SEC62: variants seen among roughly 807,000 people sequenced by gnomAD.
The protein encoded by SEC62 is translocation protein SEC62.
Under a neutral mutation model 47.5 loss-of-function variants are expected in SEC62, and 10 were observed. That is an observed-to-expected ratio of 0.21 (90% confidence interval 0.13 to 0.36). SEC62 has a LOEUF of 0.36. SEC62 is among the 10% of genes least tolerant of loss of function. SEC62 has a pLI of 1.00. For missense variants in SEC62, 327 were observed against 464.1 expected (o/e 0.70, Z 2.71); for synonymous variants, 136 against 150.5 (o/e 0.90, Z 0.71).
At chr3:169,988,116 G>T in intron 6 of SEC62, 124 bp from the exon 7 acceptor site, 1 of 1,034,470 alleles carries the variant, frequency 9.7e-7, no homozygotes, top group South Asian at 1.6e-5. Context: ...TATAAAAATG[G>T]CAATTTTATA....
chr3:169,982,296 T>G (rs1714993246), intron 3 of SEC62, among the ~76,000 whole-genome samples: 1 of 152,192 alleles, frequency 6.6e-6, no homozygotes, highest in Non-Finnish European at 1.5e-5. Flanking sequence ...AAATCATCAC[T>G]TTTAATCTGT....
Position 169,993,101 on chromosome 3 carries a change from G to A in SEC62, c.*38G>A, listed in dbSNP as rs1200982058. On this transcript the variant is annotated 3_prime_UTR_variant, in exon 8 of 8. Coordinates refer to ENST00000337002, the MANE Select transcript of SEC62 (RefSeq NM_003262.4). Reference sequence around the variant, plus strand: ...TGGGACTGAATGAATAAGTACAAGAGGTTGGATTTTCTATGTTGGCTGATT... The same window carrying A: ...TGGGACTGAATGAATAAGTACAAGAAGTTGGATTTTCTATGTTGGCTGATT... 5 of 1,459,274 alleles carry A rather than the reference G, an allele frequency of 3.4e-6. No individual in the cohort carries two copies. The East Asian group carries it at 7.3e-5, about 21-fold the overall frequency. 90.4% of individuals were successfully genotyped at this position (1,459,274 alleles called of 1,614,324 possible).
chr3:169,983,840 G>A (rs1715035805), intron 5 of SEC62: 1 of 152,082 alleles, frequency 6.6e-6, no homozygotes, highest in Admixed American at 6.6e-5. Context: ...GAAATGTAGG[G>A]TTTCCATTAT....
chr3:169,969,482 A>G (rs756272686), intron 1 of SEC62: 1 of 400,898 alleles, frequency 2.5e-6, no homozygotes, highest in Non-Finnish European at 5.0e-6. Context: ...GAAATTTTAG[A>G]GTTTAAAAGG....
rs1242667346 is a variant in SEC62, at chr3:169,988,287, A to G, written c.658A>G (p.Met220Val). Residue 220 changes from methionine (M) to valine (V), a missense_variant, in exon 7 of 8, where the codon ATG (methionine) becomes GTG (valine). Physicochemically the swap from Met to Val is conservative, Grantham distance 21 (BLOSUM62 1). Coordinates refer to ENST00000337002, the MANE Select transcript of SEC62 (RefSeq NM_003262.4). ...ATLFPLWPAE[M>V]RVGVYYLSVG... ...CCTCTTCCCCCTTTGGCCAGCAGAA[A>G]TGAGAGTAGGTGTTTATTACCTCAG... is the stretch of plus-strand genomic sequence containing the variant. The G allele has an allele frequency of 6.2e-7, 1 of 1,613,882 alleles. No individual in the cohort carries two copies. The highest frequency in any genetic ancestry group is 1.3e-5 in the African/African-American group (1 of 74,912).
At position 169,993,293 on chromosome 3, in the gene SEC62, AAGT is replaced by A. The variant is rs1477855246; in HGVS notation, c.*233_*235del. The A allele has an allele frequency of 7.4e-6, 3 of 406,136 alleles. No individual in the cohort carries two copies. The highest frequency in any genetic ancestry group is 4.2e-5 in the Admixed American group (1 of 23,966). 25.2% of individuals were successfully genotyped at this position (406,136 alleles called of 1,614,324 possible). On this transcript the variant is annotated 3_prime_UTR_variant, in exon 8 of 8. Transcript: ENST00000337002. ...TTTATCCATTTGATAATTTTACAGTAAGTAGGTCTCATTCATTTTGACAGTTAT... is the reference window on the plus strand; with the variant it reads ...TTTATCCATTTGATAATTTTACAGTAAGGTCTCATTCATTTTGACAGTTAT...
At chr3:169,969,249 A>G (rs775425998) in intron 1 of SEC62, 34 of 454,034 alleles carry the variant, frequency 7.5e-5, no homozygotes, top group East Asian at 1.4e-4. Flanking sequence ...CAGGGTTAAA[A>G]AAAAAAGTAG....
chr3:169,972,998 A>G (rs1414754362), intron 1 of SEC62, among the ~76,000 whole-genome samples: 1 of 152,206 alleles, frequency 6.6e-6, no homozygotes, highest in Non-Finnish European at 1.5e-5. Context: ...CAGATGTATC[A>G]GATGAGGAAA....
At position 169,976,221 on chromosome 3, in the gene SEC62, A is replaced by AC. The variant is rs1266534090; in HGVS notation, c.145+509dup. Among the ~76,000 whole-genome samples, 3 of 152,092 alleles carry AC rather than the reference A, an allele frequency of 2.0e-5. No homozygotes were observed. The East Asian group carries it at 5.8e-4, about 29-fold the overall frequency. On this transcript the variant is annotated intron_variant, in intron 2 of 7. Transcript: ENST00000337002. ...AGACCAGCCTATGCAACACAATGAG[A>AC]CCCCATCTCTACAAAAAAATTAGAT... is the stretch of plus-strand genomic sequence containing the variant.
At chr3:169,983,037 A>C (rs1715019359) in intron 4 of SEC62, 124 bp from the exon 5 acceptor site, 2 of 1,477,646 alleles carry the variant, frequency 1.4e-6, no homozygotes, top group Non-Finnish European at 1.8e-6. Flanking sequence ...AGTTGTTATA[A>C]ATACCGTGGT....
In SEC62 at chr3:169,993,266, G is replaced by A; in HGVS notation, c.*203G>A. Reference sequence around the variant, plus strand: ...TGGTACAGTTTAAAGCCATTAATATGTTTTATCCATTTGATAATTTTACAG... The same window carrying A: ...TGGTACAGTTTAAAGCCATTAATATATTTTATCCATTTGATAATTTTACAG... On this transcript the variant is annotated 3_prime_UTR_variant, in exon 8 of 8. Coordinates refer to ENST00000337002, the MANE Select transcript of SEC62 (RefSeq NM_003262.4). 1 of 473,244 alleles carries A rather than the reference G, an allele frequency of 2.1e-6. No individual in the cohort carries two copies. The highest frequency in any genetic ancestry group is 3.7e-6 in the Non-Finnish European group (1 of 269,394). The allele number at this position is 473,244 out of a possible 1,614,324, so 29.3% of individuals were successfully genotyped here.
At chr3:169,988,087 T>A (rs1452112463) in intron 6 of SEC62, among the ~76,000 whole-genome samples, 153 bp from the exon 7 acceptor site, 1 of 152,228 alleles carries the variant, frequency 6.6e-6, no homozygotes, top group African/African-American at 2.4e-5. Flanking sequence ...AAATTGCTCA[T>A]AATTGACCAT....
chr3:169,972,580 C>CTT (rs11391826), intron 1 of SEC62, among the ~76,000 whole-genome samples: 31,224 of 114,858 alleles, frequency 0.27, 4,800 homozygotes, highest in Middle Eastern at 0.39. Context: ...CTTTTTCTAT[C>CTT]TTTTTTTTTT....
chr3:169,984,068 C>T (rs954478522), intron 5 of SEC62: 1 of 152,158 alleles, frequency 6.6e-6, no homozygotes, highest in African/African-American at 2.4e-5. Flanking sequence ...ATATACTGGG[C>T]ATTGAACTGT....
intron 6 of SEC62, 68 bp downstream of exon 6, chr3:169,985,933 TAAAAGA>T: frequency 9.7e-7 from 1 of 1,033,538 alleles, no homozygotes; most frequent in South Asian, 1.4e-5. Flanking sequence ...GCAGATACTG[TAAAAGA>T]AAATGTTCCT....
chr3:169,979,803 G>A (rs1714928725), intron 3 of SEC62, among the ~76,000 whole-genome samples: 1 of 152,186 alleles, frequency 6.6e-6, no homozygotes, highest in Middle Eastern at 3.4e-3. Flanking sequence ...CTACATATGT[G>A]TGAGTTTTTT....
intron 5 of SEC62, chr3:169,983,851 TATC>T (rs2108285367): frequency 6.6e-6 from 1 of 152,266 alleles, no homozygotes; most frequent in Admixed American, 6.5e-5. Context: ...TTTCCATTAT[TATC>T]AAAGAAAAAA....
At chr3:169,969,355 G>A (rs1179055214) in intron 1 of SEC62, 1 of 456,380 alleles carries the variant, frequency 2.2e-6, no homozygotes, top group African/African-American at 2.0e-5. Context: ...TTCCTTCTTG[G>A]ACTCATTACT....
In SEC62 at chr3:169,993,049, C is replaced by T. The variant is rs764568264; in HGVS notation, c.1186C>T (p.His396Tyr). 17 of 1,595,948 alleles carry T rather than the reference C, an allele frequency of 1.1e-5. No homozygotes were observed. The East Asian group carries it at 3.8e-4, about 36-fold the overall frequency. ...TGATGGAGAAACACCTAAATCTTCA[C>T]ATGAAAAATCATAATCTGACTAATT... ...ENDGETPKSS[H>Y]EKS Residue 396 changes from histidine to tyrosine, a missense_variant, in exon 8 of 8, where the codon CAT (histidine) becomes TAT (tyrosine). By Grantham distance (83) the His-to-Tyr change is moderately conservative. This residue lies in a region of SEC62 where 102 missense variants were observed against 108.8 expected (regional missense o/e 0.94). Coordinates refer to ENST00000337002, the MANE Select transcript of SEC62 (RefSeq NM_003262.4).
Sources: gnomAD v4.1 joint callset for allele counts (sites outside exome capture counted in the v4.1 genomes callset) on GRCh38, gnomAD v4.1.1 for gene constraint, gnomAD v4.1.1 regional missense constraint, MANE v1.5 for transcripts, NCBI Gene and HGNC (gene_info 2026-07-23, HGNC 2026-07-21) for gene names.